The following GSDME variants were observed in gnomAD, a reference collection of about 807,000 sequenced individuals.
GSDME encodes the protein gasdermin-E.
Under a neutral mutation model 47.5 loss-of-function variants are expected in GSDME, and 44 were observed. That is an observed-to-expected ratio of 0.93 (90% CI 0.73 to 1.19). The LOEUF (loss-of-function observed/expected upper bound fraction) is 1.19, where lower values mean the gene tolerates loss of function less well. Ranked by LOEUF, GSDME falls within the 50% of genes most tolerant of loss-of-function variation. The pLI is 0.00. For synonymous variants in GSDME, 258 were observed against 252.8 expected (o/e 1.02, Z -0.20); for missense variants, 663 against 604.2 (o/e 1.10, Z -1.02).
At chr7:24,782,161 C>T in the GSDME span, among the ~76,000 whole-genome samples, 1 of 151,988 alleles carries the variant, frequency 6.6e-6, no homozygotes, top group Non-Finnish European at 1.5e-5. Context: ...TGGTGTGCTG[C>T]ACCCATTAAC....
At position 24,733,010 on chromosome 7, in the gene GSDME, G is replaced by C. The variant is rs1210563164; in HGVS notation, c.404+11552C>G. Among the ~76,000 whole-genome samples, 1 of 151,906 alleles carries C rather than the reference G, an allele frequency of 6.6e-6. No individual in the cohort carries two copies. Among genetic ancestry groups the C allele is most frequent in the Non-Finnish European group, 1.5e-5 (1 of 67,990 alleles). ...CAGCACAACATGCAGCTCCAAAAGA[G>C]ATCCCTTCCTTGTGCTTGAGGAGAG... is the stretch of plus-strand genomic sequence containing the variant. On this transcript the variant is annotated intron_variant, in intron 3 of 9. Coordinates refer to ENST00000645220, the MANE Select transcript of GSDME (RefSeq NM_001127453.2). This position sits in a 1 kb window ranked among gnomAD's most constrained non-coding sequence, Gnocchi z 4.3.
the GSDME span, among the ~76,000 whole-genome samples, chr7:24,786,226 A>C: frequency 6.6e-6 from 1 of 152,154 alleles, no homozygotes; most frequent in South Asian, 2.1e-4. The surrounding 1 kb of genome is among the most constrained non-coding windows in gnomAD (Gnocchi z 5.5). Flanking sequence ...CCCAATTCCC[A>C]TCCTGGGGTT....
chr7:24,775,535 C>T, the GSDME span, among the ~76,000 whole-genome samples: 1 of 152,102 alleles, frequency 6.6e-6, no homozygotes, highest in Non-Finnish European at 1.5e-5. Context: ...AGGTTGCTGT[C>T]CTCCTTCCCT....
intron 3 of GSDME, among the ~76,000 whole-genome samples, chr7:24,741,312 T>C (rs1216893729): frequency 6.6e-6 from 1 of 151,910 alleles, no homozygotes; most frequent in Non-Finnish European, 1.5e-5. Flanking sequence ...TGAAAGCTTA[T>C]TAAACACAAA....
At chr7:24,781,811 A>G in the GSDME span, among the ~76,000 whole-genome samples, 1 of 152,192 alleles carries the variant, frequency 6.6e-6, no homozygotes, top group African/African-American at 2.4e-5. Context: ...TGGCTTGATC[A>G]TAGCTCACTA....
At chr7:24,703,116 G>C in intron 8 of GSDME, 1 of 376,796 alleles carries the variant, frequency 2.7e-6, no homozygotes, top group South Asian at 2.1e-5. Flanking sequence ...TCTGGGGGAA[G>C]GAAAGGAAAC....
chr7:24,716,396 CAA>C lies in GSDME; in HGVS notation c.697+856_697+857del, dbSNP rs1490551637. 1 of 152,212 alleles carries C rather than the reference CAA, an allele frequency of 6.6e-6. No individual in the cohort carries two copies. The highest frequency in any genetic ancestry group is 2.4e-5 in the African/African-American group (1 of 41,430). The allele number at this position is 152,212 out of a possible 1,614,324, so 9.4% of individuals were successfully genotyped here. ...CGTGAATGTTTCAGTGTACATCTCTCAAAGATAGGATGACTCATTTTTATAAA... is the reference window on the plus strand; with the variant it reads ...CGTGAATGTTTCAGTGTACATCTCTCAGATAGGATGACTCATTTTTATAAA... On this transcript the variant is annotated intron_variant, in intron 5 of 9. Coordinates refer to ENST00000645220, the MANE Select transcript of GSDME (RefSeq NM_001127453.2). This position sits in a 1 kb window ranked among gnomAD's most constrained non-coding sequence, Gnocchi z 4.5.
Position 24,716,718 on chromosome 7 carries a change from T to G in GSDME, c.697+536A>C. On this transcript the variant is annotated intron_variant, in intron 5 of 9. Coordinates refer to ENST00000645220, the MANE Select transcript of GSDME (RefSeq NM_001127453.2). This position sits in a 1 kb window ranked among gnomAD's most constrained non-coding sequence, Gnocchi z 4.5. ...TGGCTTCATACTTGTGGAGAGGAGG[T>G]GGGGTAACAATAATGATGATAATGC... 1.8e-5 allele frequency: 3 copies of G among 165,188 alleles called. No individual in the cohort carries two copies. Among genetic ancestry groups the G allele is most frequent in the Non-Finnish European group, 2.7e-5 (2 of 75,098 alleles). The allele number at this position is 165,188 out of a possible 1,614,324, so 10.2% of individuals were successfully genotyped here.
At chr7:24,775,727 T>C in the GSDME span, among the ~76,000 whole-genome samples, 1 of 151,488 alleles carries the variant, frequency 6.6e-6, no homozygotes. Context: ...ATACAAAAAT[T>C]AGCTGGGCGT....
chr7:24,773,160 T>TA, the GSDME span, among the ~76,000 whole-genome samples: 6 of 152,134 alleles, frequency 3.9e-5, no homozygotes, highest in Non-Finnish European at 7.4e-5. The surrounding 1 kb of genome is among the most constrained non-coding windows in gnomAD (Gnocchi z 5.4). Flanking sequence ...TCAGTGACAA[T>TA]AAAAAAAATG....
Position 24,728,163 on chromosome 7 carries a change from G to T in GSDME, c.405-8945C>A, listed in dbSNP as rs1005527289. 1.3e-5 allele frequency among the ~76,000 whole-genome samples: 2 copies of T among 152,168 alleles called. No homozygotes were observed. The highest frequency in any genetic ancestry group is 4.8e-5 in the African/African-American group (2 of 41,450). On this transcript the variant is annotated intron_variant, in intron 3 of 9. Transcript: ENST00000645220. The surrounding 1 kb of genome is among the most constrained non-coding windows in gnomAD (Gnocchi z 7.2). ...GAGACCTGAGGAAAATCTGTTAGGG[G>T]TTCTCAAGTTTTTCTCCCTCTTAAA...
In GSDME at chr7:24,754,682, A is replaced by G. The variant is rs746242126; in HGVS notation, c.-20+2714T>C. Among the ~76,000 whole-genome samples, 8 of 152,344 alleles carry G rather than the reference A, an allele frequency of 5.3e-5. No homozygotes were observed. Among genetic ancestry groups the G allele is most frequent in the Middle Eastern group, 3.4e-3 (1 of 294 alleles). On this transcript the variant is annotated intron_variant, in intron 1 of 9. Coordinates refer to ENST00000645220, the MANE Select transcript of GSDME (RefSeq NM_001127453.2). The surrounding 1 kb of genome is among the most constrained non-coding windows in gnomAD (Gnocchi z 5.0). ...CACAAAGTTAGCAAAGCACACAGCC[A>G]ACTGGAGCCACTGGGAACAAAGAAT...
intron 3 of GSDME, among the ~76,000 whole-genome samples, chr7:24,737,019 G>A (rs1790327811): frequency 6.6e-6 from 1 of 152,060 alleles, no homozygotes; most frequent in South Asian, 2.1e-4. Context: ...GCAGTACTAA[G>A]AGGAAGTTTA....
Position 24,698,864 on chromosome 7 carries a change from C to CT in GSDME, c.*161dup. 1 of 677,444 alleles carries CT rather than the reference C, an allele frequency of 1.5e-6. No homozygotes were observed. The highest frequency in any genetic ancestry group is 2.7e-6 in the Non-Finnish European group (1 of 374,560). 42.0% of individuals were successfully genotyped at this position (677,444 alleles called of 1,614,324 possible). On this transcript the variant is annotated 3_prime_UTR_variant, in exon 10 of 10. Coordinates refer to ENST00000645220, the MANE Select transcript of GSDME (RefSeq NM_001127453.2). Reference sequence around the variant, plus strand: ...ATAAGGAAAACTGTTTAAAGAGTACCTGGTGGCTAAAAGTCAGGTCATTCA... The same window carrying CT: ...ATAAGGAAAACTGTTTAAAGAGTACCTTGGTGGCTAAAAGTCAGGTCATTCA...
chr7:24,743,637 CT>C (rs1790557866), intron 3 of GSDME, among the ~76,000 whole-genome samples: 1 of 152,212 alleles, frequency 6.6e-6, no homozygotes, highest in Non-Finnish European at 1.5e-5. Context: ...CGCCCCACCC[CT>C]TTCAGCCCCT....
chr7:24,756,469 T>C lies in GSDME; in HGVS notation c.-20+927A>G, dbSNP rs543395518. 7.2e-5 allele frequency among the ~76,000 whole-genome samples: 11 copies of C among 152,288 alleles called. No individual in the cohort carries two copies. Among genetic ancestry groups the C allele is most frequent in the African/African-American group, 2.6e-4 (11 of 41,554 alleles). On this transcript the variant is annotated intron_variant, in intron 1 of 9. Transcript: ENST00000645220. The surrounding 1 kb of genome is among the most constrained non-coding windows in gnomAD (Gnocchi z 4.2). ...CAACTTCTCCTTTAGAAAAAGAGCT[T>C]GGTGGTGGTAGATTGTGAAGACAAT...
intron 5 of GSDME, 112 bp downstream of exon 5, chr7:24,717,142 C>T: frequency 8.5e-7 from 1 of 1,173,278 alleles, no homozygotes; most frequent in Non-Finnish European, 1.2e-6. Flanking sequence ...ACCTCTTTCC[C>T]TCTCTTCCCA....
intron 7 of GSDME, chr7:24,707,315 AG>A (rs780509008): frequency 1.5e-5 from 7 of 471,162 alleles, no homozygotes; most frequent in Non-Finnish European, 2.6e-5. Context: ...CTCAGCCTTA[AG>A]AAAGGGAGGA....
rs905746261 is a variant in GSDME at position 24,725,570 on chromosome 7, A to G, written c.405-6352T>C. 1.3e-4 allele frequency among the ~76,000 whole-genome samples: 20 copies of G among 151,978 alleles called. No individual in the cohort carries two copies. Among genetic ancestry groups the G allele is most frequent in the African/African-American group, 4.6e-4 (19 of 41,362 alleles). On this transcript the variant is annotated intron_variant, in intron 3 of 9. Coordinates refer to ENST00000645220, the MANE Select transcript of GSDME (RefSeq NM_001127453.2). The surrounding 1 kb of genome is among the most constrained non-coding windows in gnomAD (Gnocchi z 5.1). ...GTCCCGTTTAAGGGCTCACAACTCT[A>G]AGGGGGTGCGCATGAGAGGGTCGTG...
Sources: allele counts gnomAD v4.1 joint callset (sites outside exome capture counted in the v4.1 genomes callset), GRCh38; gene constraint gnomAD v4.1.1; non-coding constraint Gnocchi (gnomAD v3.1); transcripts MANE v1.5; gene names NCBI Gene and HGNC (gene_info 2026-07-23, HGNC 2026-07-21).